The following GRB10 variants were observed in gnomAD, a reference collection of about 807,000 sequenced individuals.
GRB10 encodes the protein growth factor receptor bound protein 10, also known as growth factor receptor-bound protein 10.
A neutral mutation model predicts 80.9 loss-of-function variants in GRB10; 20 were observed. The observed-to-expected ratio is 0.25, with a 90% CI of 0.17 to 0.36. The LOEUF is 0.36. Ranked by LOEUF, GRB10 falls within the 10% of genes least tolerant of loss-of-function variation. The probability of loss-of-function intolerance (pLI) is 1.00; values close to 1 mark genes in which losing one functional copy is unlikely to be tolerated. For synonymous variants in GRB10, 291 were observed against 291.5 expected (o/e 1.00, Z 0.02); for missense variants, 548 against 747.7 (o/e 0.73, Z 3.12).
At chr7:50,594,696 T>C (rs1208584876) in intron 18 of GRB10, among the ~76,000 whole-genome samples, 2 of 152,226 alleles carry the variant, frequency 1.3e-5, no homozygotes, top group African/African-American at 4.8e-5. Context: ...TGAATTCTTG[T>C]AGGCGCTGAT....
chr7:50,592,749 G>C lies in GRB10; in HGVS notation c.*203C>G. On this transcript the variant is annotated 3_prime_UTR_variant, in exon 19 of 19. Transcript: ENST00000401949. Reference sequence around the variant, plus strand: ...CTCCCCAATTTGGCCGATGCAGAGGGAGGCGACCCTGCTGGGTTCACAGCA... The same window carrying C: ...CTCCCCAATTTGGCCGATGCAGAGGCAGGCGACCCTGCTGGGTTCACAGCA... The C allele has an allele frequency of 3.2e-6, 2 of 619,284 alleles. No individual in the cohort carries two copies. Among genetic ancestry groups the C allele is most frequent in the Non-Finnish European group, 5.7e-6 (2 of 349,702 alleles). The allele number at this position is 619,284 out of a possible 1,614,324, so 38.4% of individuals were successfully genotyped here.
intron 7 of GRB10, among the ~76,000 whole-genome samples, 188 bp from the exon 8 acceptor site, chr7:50,627,166 C>T (rs1212849321): frequency 6.6e-6 from 1 of 152,146 alleles, no homozygotes; most frequent in Admixed American, 6.5e-5. Flanking sequence ...TCTCCCCTTT[C>T]CCACCTCCTG....
rs149905392 is a variant in GRB10, at chr7:50,643,393, A to G, written c.505-16415T>C. Reference sequence around the variant, plus strand: ...TGTCTGTGGACCAGATGGGACTCCAAGGAAACACCACACAAACCAAAATGG... The same window carrying G: ...TGTCTGTGGACCAGATGGGACTCCAGGGAAACACCACACAAACCAAAATGG... On this transcript the variant is annotated intron_variant, in intron 7 of 18. Transcript: ENST00000401949. Among the ~76,000 whole-genome samples, 256 of 152,332 alleles carry G rather than the reference A, an allele frequency of 1.7e-3. 1 individual carries two copies. The highest frequency in any genetic ancestry group is 3.0e-3 in the Non-Finnish European group (204 of 68,024).
chr7:50,614,691 C>G, intron 12 of GRB10, 79 bp downstream of exon 12: 1 of 873,916 alleles, frequency 1.1e-6, no homozygotes, highest in South Asian at 1.3e-5. Flanking sequence ...AAGCAACAAT[C>G]AAGTGCTGGG....
intron 3 of GRB10, among the ~76,000 whole-genome samples, chr7:50,750,738 CAATCT>C (rs1365486852): frequency 6.6e-6 from 1 of 152,188 alleles, no homozygotes; most frequent in Non-Finnish European, 1.5e-5. Flanking sequence ...AGCAAGTCCC[CAATCT>C]AATTATGCCA....
chr7:50,653,282 AAG>A (rs748915204), intron 7 of GRB10, among the ~76,000 whole-genome samples: 15 of 152,182 alleles, frequency 9.9e-5, no homozygotes, highest in Admixed American at 2.0e-4. Flanking sequence ...CCACAGCAGG[AAG>A]AGTCTGTGCT....
chr7:50,787,502 C>T (rs769351352), upstream of GRB10, among the ~76,000 whole-genome samples: 2 of 152,166 alleles, frequency 1.3e-5, no homozygotes, highest in Non-Finnish European at 2.9e-5. Context: ...ACCCTTCAGA[C>T]GAAGAGAACA....
chr7:50,768,497 C>T (rs1367865615), intron 2 of GRB10, among the ~76,000 whole-genome samples: 3 of 152,144 alleles, frequency 2.0e-5, no homozygotes, highest in African/African-American at 7.2e-5. Context: ...CCCCTTAGTC[C>T]TGAAATTCAG....
chr7:50,683,404 T>C (rs1452022506), intron 5 of GRB10, among the ~76,000 whole-genome samples: 1 of 152,196 alleles, frequency 6.6e-6, no homozygotes, highest in African/African-American at 2.4e-5. Flanking sequence ...TGTGCAACCA[T>C]GTGAACGTTC....
chr7:50,785,060 A>C (rs1184194951), upstream of GRB10, among the ~76,000 whole-genome samples: 1 of 152,188 alleles, frequency 6.6e-6, no homozygotes, highest in Non-Finnish European at 1.5e-5. Context: ...GATTTGGTGG[A>C]TCACATGCTA....
Position 50,674,509 on chromosome 7 carries a change from G to C in GRB10, c.289C>G (p.Arg97Gly), listed in dbSNP as rs538386189. Residue 97 changes from arginine (R) to glycine (G), a missense_variant, in exon 6 of 19, where the codon CGG (arginine) becomes GGG (glycine). This residue lies in a region of GRB10 where 245 missense variants were observed against 229.3 expected (regional missense o/e 1.07). Coordinates refer to ENST00000401949, the MANE Select transcript of GRB10 (RefSeq NM_001350814.2). ...GGGGACACCTGTGGCTGGATGGACCGAGGAGGGCCTGAAGCCCGAGGCTGG... is the reference window on the plus strand; with the variant it reads ...GGGGACACCTGTGGCTGGATGGACCCAGGAGGGCCTGAAGCCCGAGGCTGG... The part of the protein sequence containing the change: ...RSQPRASGPP[R>G]SIQPQVSPRQ... 1 of 1,609,962 alleles carries C rather than the reference G, an allele frequency of 6.2e-7. No individual in the cohort carries two copies. The highest frequency in any genetic ancestry group is 8.5e-7 in the Non-Finnish European group (1 of 1,179,998).
rs570249372 is a variant in GRB10, at chr7:50,642,473, TATACAC to T, written c.505-15501_505-15496del. On this transcript the variant is annotated intron_variant, in intron 7 of 18. Transcript: ENST00000401949. Reference sequence around the variant, plus strand: ...CACATGCTTCATACATACATATACATATACACATAAATATATATACACATAAATATA... The same window carrying T: ...CACATGCTTCATACATACATATACATATAAATATATATACACATAAATATA... Among the ~76,000 whole-genome samples, 53 of 151,788 alleles carry T rather than the reference TATACAC, an allele frequency of 3.5e-4. 1 individual carries two copies. The South Asian group carries it at 0.011, about 31-fold the overall frequency.
At chr7:50,649,587 T>C (rs948296640) in intron 7 of GRB10, among the ~76,000 whole-genome samples, 2 of 152,104 alleles carry the variant, frequency 1.3e-5, no homozygotes, top group African/African-American at 2.4e-5. Context: ...GGGAGAACAG[T>C]GGGATTCAAA....
chr7:50,674,567 C>A lies in GRB10; in HGVS notation c.231G>T (p.Val77=). ...YSACSMQSDT[V]PLLQNGQHAR... ...CATGCTGGCCATTCTGCAGGAGGGG[C>A]ACCGTGTCTGACTGCATGCTGCAGG... Residue 77 remains valine, a synonymous_variant, in exon 6 of 19, where the codon GTG becomes GTT. Coordinates refer to ENST00000401949, the MANE Select transcript of GRB10 (RefSeq NM_001350814.2). 7.4e-6 allele frequency: 12 copies of A among 1,612,868 alleles called. No homozygotes were observed. Among genetic ancestry groups the A allele is most frequent in the Non-Finnish European group, 1.0e-5 (12 of 1,180,032 alleles).
At chr7:50,616,466 T>G in intron 10 of GRB10, 119 bp from the exon 11 acceptor site, 2 of 938,940 alleles carry the variant, frequency 2.1e-6, no homozygotes, top group Non-Finnish European at 3.3e-6. Context: ...TGGATCAAAA[T>G]GAGAGTGTTC....
chr7:50,672,469 A>AT (rs879464762), intron 6 of GRB10, among the ~76,000 whole-genome samples: 1 of 151,360 alleles, frequency 6.6e-6, no homozygotes, highest in African/African-American at 2.4e-5. Flanking sequence ...TGATCTCCAC[A>AT]TTTTTTTTTA....
At chr7:50,657,306 G>A (rs2058742885) in intron 7 of GRB10, among the ~76,000 whole-genome samples, 1 of 152,178 alleles carries the variant, frequency 6.6e-6, no homozygotes, top group Admixed American at 6.5e-5. Flanking sequence ...CAAAAGGGCA[G>A]TCACACTTAG....
intron 7 of GRB10, among the ~76,000 whole-genome samples, chr7:50,637,420 A>G (rs6948032): frequency 0.53 from 80,087 of 151,334 alleles, 21,244 homozygotes; most frequent in Admixed American, 0.54. Context: ...CAAGAACTCA[A>G]TCATGTTTAA....
At position 50,712,399 on chromosome 7, in the gene GRB10, C is replaced by T. The variant is rs558144824; in HGVS notation, c.52-8491G>A. On this transcript the variant is annotated intron_variant, in intron 4 of 18. Coordinates refer to ENST00000401949, the MANE Select transcript of GRB10 (RefSeq NM_001350814.2). ...GAGATGGGGGAAAAAGAAAAGTCAG[C>T]AAGCCAGGTGTCTCGTATCAAGGAA... Among the ~76,000 whole-genome samples the T allele has an allele frequency of 5.3e-5, 8 of 152,328 alleles. No homozygotes were observed. In the South Asian group the frequency reaches 1.7e-3, roughly 32 times the overall value.
Sources: allele counts gnomAD v4.1 joint callset (sites outside exome capture counted in the v4.1 genomes callset), GRCh38; gene constraint gnomAD v4.1.1; regional missense constraint gnomAD v4.1.1; transcripts MANE v1.5; gene names NCBI Gene and HGNC (gene_info 2026-07-23, HGNC 2026-07-21).